Variants in UVRAG observed in about 807,000 individuals in gnomAD.
UVRAG encodes UV radiation resistance-associated gene protein.
UVRAG carries 19 observed loss-of-function variants against 78.0 expected under a neutral mutation model. The ratio of observed to expected loss-of-function variants is 0.24; its 90% CI spans 0.17 to 0.36. The LOEUF (loss-of-function observed/expected upper bound fraction) is 0.36, where lower values mean the gene tolerates loss of function less well. Ranked by LOEUF, UVRAG falls within the 10% of genes least tolerant of loss-of-function variation. The probability of loss-of-function intolerance (pLI) is 1.00; values close to 1 mark genes in which losing one functional copy is unlikely to be tolerated. For synonymous variants in UVRAG, 323 were observed against 324.6 expected, an observed-to-expected ratio of 1.00 and a Z score of 0.05; for missense variants, 740 against 853.8, an observed-to-expected ratio of 0.87 and a Z score of 1.66.
intron 12 of UVRAG, among the ~76,000 whole-genome samples, chr11:76,022,644 C>G (rs1192170444): frequency 6.6e-6 from 1 of 152,156 alleles, no homozygotes; most frequent in African/African-American, 2.4e-5. Context: ...CATCTTTTCA[C>G]TTTGAACCTT....
At chr11:75,882,218 C>T (rs1044442571) in intron 4 of UVRAG, among the ~76,000 whole-genome samples, 1 of 151,958 alleles carries the variant, frequency 6.6e-6, no homozygotes, top group Non-Finnish European at 1.5e-5. Flanking sequence ...GGTTAAAAAT[C>T]TGAAAATCTG....
At chr11:76,018,414 G>A (rs1364003621) in intron 12 of UVRAG, among the ~76,000 whole-genome samples, 1 of 151,534 alleles carries the variant, frequency 6.6e-6, no homozygotes, top group African/African-American at 2.4e-5. Flanking sequence ...TTTTGTTGTT[G>A]TTGTTTGTTT....
chr11:75,906,584 G>T (rs1022434275), intron 5 of UVRAG, among the ~76,000 whole-genome samples: 5 of 152,126 alleles, frequency 3.3e-5, no homozygotes, highest in African/African-American at 1.2e-4. Context: ...CTGACCTCAA[G>T]TGATCTGCCC....
chr11:76,004,078 C>T lies in UVRAG; in HGVS notation c.900C>T (p.Cys300=), dbSNP rs747303357. 41 of 1,613,692 alleles carry T rather than the reference C, an allele frequency of 2.5e-5. No homozygotes were observed. In the East Asian group the frequency reaches 8.9e-4, roughly 35 times the overall value. ...CCCTAAATGAGCTGAGGAAGGAGTG[C>T]ACTGCAAAAAGGTAAATGCACACTG... The part of the protein sequence containing the change: ...KESLNELRKE[C]TAKRELFLKT... The change falls in exon 9 of 15, where the codon TGC becomes TGT. Residue 300 remains cysteine, a synonymous_variant. Transcript: ENST00000356136.
chr11:76,063,150 G>A (rs1465896903), intron 12 of UVRAG, among the ~76,000 whole-genome samples: 3 of 152,198 alleles, frequency 2.0e-5, no homozygotes, highest in Non-Finnish European at 2.9e-5. Context: ...GCTAGTAGCA[G>A]TGCGTAGAGA....
intron 1 of UVRAG, among the ~76,000 whole-genome samples, chr11:75,823,939 A>G (rs1945455777): frequency 6.6e-6 from 1 of 152,226 alleles, no homozygotes. Flanking sequence ...AAAACATGAT[A>G]GAAGCAGAAA....
chr11:76,048,859 A>C (rs945435103), intron 12 of UVRAG, among the ~76,000 whole-genome samples: 3 of 152,220 alleles, frequency 2.0e-5, no homozygotes, highest in African/African-American at 7.2e-5. Flanking sequence ...AGATTTATGC[A>C]CACCATTATT....
intron 7 of UVRAG, among the ~76,000 whole-genome samples, chr11:75,964,654 G>C (rs1172638832): frequency 6.6e-6 from 1 of 152,180 alleles, no homozygotes; most frequent in African/African-American, 2.4e-5. Context: ...TGTAATCCCA[G>C]CAATTTGGGA....
At chr11:76,109,755 G>A (rs1952038103) in intron 13 of UVRAG, among the ~76,000 whole-genome samples, 1 of 152,144 alleles carries the variant, frequency 6.6e-6, no homozygotes, top group Admixed American at 6.5e-5. Context: ...TCCTCGACCT[G>A]GTTCCTTCTT....
chr11:75,849,305 A>C (rs1946103046), intron 1 of UVRAG, among the ~76,000 whole-genome samples: 1 of 152,096 alleles, frequency 6.6e-6, no homozygotes, highest in Non-Finnish European at 1.5e-5. Flanking sequence ...GAAGATTGAG[A>C]CCATCCTGGC....
chr11:75,993,506 C>T (rs970798902), intron 8 of UVRAG, among the ~76,000 whole-genome samples: 4 of 152,052 alleles, frequency 2.6e-5, no homozygotes, highest in Admixed American at 1.3e-4. Context: ...CCAGATTTCC[C>T]CTCAGTAACT....
chr11:76,067,241 A>G (rs1377080599), intron 13 of UVRAG, among the ~76,000 whole-genome samples: 2 of 152,092 alleles, frequency 1.3e-5, no homozygotes, highest in East Asian at 3.9e-4. Flanking sequence ...CTTCCACTCC[A>G]GCTCCAGGAA....
intron 13 of UVRAG, among the ~76,000 whole-genome samples, chr11:76,082,195 T>G (rs1951507715): frequency 6.6e-6 from 1 of 152,098 alleles, no homozygotes; most frequent in African/African-American, 2.4e-5. Flanking sequence ...TTAAACAATG[T>G]GTATGTGTGT....
At chr11:76,106,704 CT>C (rs1951977767) in intron 13 of UVRAG, among the ~76,000 whole-genome samples, 1 of 152,000 alleles carries the variant, frequency 6.6e-6, no homozygotes, top group African/African-American at 2.4e-5. Flanking sequence ...AGAGAGTAAG[CT>C]TTAGCTGTGA....
chr11:76,000,320 T>C (rs1394179706), intron 8 of UVRAG, among the ~76,000 whole-genome samples: 1 of 152,198 alleles, frequency 6.6e-6, no homozygotes, highest in African/African-American at 2.4e-5. Flanking sequence ...GGTAGATATA[T>C]TCCCAGGTGT....
At chr11:76,140,609 A>G (rs1232813366) in intron 14 of UVRAG, 102 bp from the exon 15 acceptor site, 2 of 1,143,670 alleles carry the variant, frequency 1.7e-6, no homozygotes, top group Non-Finnish European at 2.4e-6. Context: ...ATCTATTTTT[A>G]TTAGCTCAGA....
intron 3 of UVRAG, among the ~76,000 whole-genome samples, chr11:75,864,381 GCTC>G (rs1946491699): frequency 6.6e-6 from 1 of 152,162 alleles, no homozygotes; most frequent in South Asian, 2.1e-4. Flanking sequence ...TTCTGAGGGA[GCTC>G]TTTTTTCTTA....
chr11:76,089,964 G>A (rs1951664873), intron 13 of UVRAG, among the ~76,000 whole-genome samples: 1 of 152,160 alleles, frequency 6.6e-6, no homozygotes, highest in Admixed American at 6.5e-5. Context: ...TTCCAGCTGT[G>A]ATGGGATAGG....
chr11:75,894,237 G>C (rs1947289444), intron 5 of UVRAG, among the ~76,000 whole-genome samples: 1 of 152,048 alleles, frequency 6.6e-6, no homozygotes, highest in Non-Finnish European at 1.5e-5. Context: ...CACAATCTGT[G>C]GTGAGCAACG....
Sources: gnomAD v4.1 joint callset for allele counts (sites outside exome capture counted in the v4.1 genomes callset) on GRCh38, gnomAD v4.1.1 for gene constraint, MANE v1.5 for transcripts, NCBI Gene and HGNC (gene_info 2026-07-23, HGNC 2026-07-21) for gene names.